The following HS3ST2 variants were observed in gnomAD, a reference collection of about 807,000 sequenced individuals.
HS3ST2 encodes the protein heparan sulfate glucosamine 3-O-sulfotransferase 2.
HS3ST2 carries 17 observed loss-of-function variants against 26.3 expected under a neutral mutation model. The observed-to-expected ratio is 0.65, with a 90% confidence interval of 0.44 to 0.97. HS3ST2 has a LOEUF of 0.97. HS3ST2 is among the 50% of genes least tolerant of loss of function. HS3ST2 has a pLI of 0.00. For missense variants in HS3ST2, 402 were observed against 501.2 expected (o/e 0.80, Z 1.89); for synonymous variants, 237 against 219.2 (o/e 1.08, Z -0.72).
chr16:22,879,558 G>A (rs931433286), intron 1 of HS3ST2, among the ~76,000 whole-genome samples: 4 of 152,208 alleles, frequency 2.6e-5, no homozygotes, highest in African/African-American at 9.6e-5. Flanking sequence ...CGGACACTGA[G>A]TGCACGTGAC....
chr16:22,844,147 T>G (rs541333384), intron 1 of HS3ST2, among the ~76,000 whole-genome samples: 3 of 152,322 alleles, frequency 2.0e-5, no homozygotes, highest in East Asian at 3.9e-4. Flanking sequence ...TAACTGAGTT[T>G]CATTTTTTAT....
chr16:22,824,518 G>A (rs1901052371), intron 1 of HS3ST2, among the ~76,000 whole-genome samples: 2 of 152,166 alleles, frequency 1.3e-5, no homozygotes, highest in Non-Finnish European at 2.9e-5. Context: ...CTGCACTCCA[G>A]CCTGGGTGAC....
At chr16:22,830,413 G>A (rs1053518426) in intron 1 of HS3ST2, among the ~76,000 whole-genome samples, 4 of 152,176 alleles carry the variant, frequency 2.6e-5, no homozygotes, top group African/African-American at 9.7e-5. Context: ...GTGAGCAGGG[G>A]TGCACCATAA....
intron 1 of HS3ST2, among the ~76,000 whole-genome samples, chr16:22,909,071 C>T (rs1902389489): frequency 6.6e-6 from 1 of 152,144 alleles, no homozygotes; most frequent in African/African-American, 2.4e-5. Context: ...GAATCTCTTC[C>T]AGGGTTTTAT....
At chr16:22,834,927 T>C (rs913570953) in intron 1 of HS3ST2, among the ~76,000 whole-genome samples, 5 of 150,514 alleles carry the variant, frequency 3.3e-5, no homozygotes, top group African/African-American at 1.2e-4. Flanking sequence ...CTGAAATTTT[T>C]GGTTAATTTT....
At chr16:22,900,679 C>T (rs910784249) in intron 1 of HS3ST2, among the ~76,000 whole-genome samples, 5 of 150,704 alleles carry the variant, frequency 3.3e-5, no homozygotes, top group Admixed American at 2.0e-4. Flanking sequence ...GGGGCAGGGG[C>T]GGGGAGGAAG....
intron 1 of HS3ST2, among the ~76,000 whole-genome samples, chr16:22,893,984 T>C (rs1272895228): frequency 6.6e-6 from 1 of 152,080 alleles, no homozygotes; most frequent in Non-Finnish European, 1.5e-5. Flanking sequence ...GTTTTTGTAA[T>C]TTTCTTTGTT....
chr16:22,829,771 C>T (rs1272492568), intron 1 of HS3ST2, among the ~76,000 whole-genome samples: 2 of 152,120 alleles, frequency 1.3e-5, no homozygotes, highest in East Asian at 3.8e-4. Flanking sequence ...ATGAAATGTT[C>T]CTGCCTTATA....
chr16:22,866,621 C>A lies in HS3ST2; in HGVS notation c.486-48323C>A, dbSNP rs150984628. 7.1e-3 allele frequency among the ~76,000 whole-genome samples: 1,085 copies of A among 151,784 alleles called. 13 individuals carry two copies. Among genetic ancestry groups the A allele is most frequent in the African/African-American group, 0.025 (1,016 of 41,388 alleles). On this transcript the variant is annotated intron_variant, in intron 1 of 1. Coordinates refer to ENST00000261374, the MANE Select transcript of HS3ST2 (RefSeq NM_006043.2). ...CCCGTCTCTACAAAGGGCAACATGG[C>A]AAGACCCCGTCTCTACAAAATGCAG... is the stretch of plus-strand genomic sequence containing the variant.
At chr16:22,837,554 T>C (rs1363536472) in intron 1 of HS3ST2, among the ~76,000 whole-genome samples, 1 of 140,022 alleles carries the variant, frequency 7.1e-6, no homozygotes, top group South Asian at 2.1e-4. Flanking sequence ...TGTATATATA[T>C]GTATATATAT....
chr16:22,875,314 TG>T (rs1296036474), intron 1 of HS3ST2, among the ~76,000 whole-genome samples: 1 of 152,092 alleles, frequency 6.6e-6, no homozygotes, highest in Non-Finnish European at 1.5e-5. Context: ...AATGTTATAG[TG>T]AGCTCAGATT....
At position 22,816,281 on chromosome 16, in the gene HS3ST2, G is replaced by A. The variant is rs1282821758; in HGVS notation, c.485+1186G>A. ...GGGTAACATGGTAGCTGACAGAGTA[G>A]CTGAGGCTAAATCTGCTGTTTTTAT... On this transcript the variant is annotated intron_variant, in intron 1 of 1. Transcript: ENST00000261374. Among the ~76,000 whole-genome samples the A allele has an allele frequency of 3.3e-5, 5 of 152,340 alleles. No individual in the cohort carries two copies. The East Asian group carries it at 9.6e-4, about 29-fold the overall frequency.
intron 1 of HS3ST2, among the ~76,000 whole-genome samples, chr16:22,827,140 G>A (rs1010793560): frequency 6.6e-6 from 1 of 152,168 alleles, no homozygotes; most frequent in East Asian, 1.9e-4. Context: ...GGAGAAGAAT[G>A]TTCTAGCAGA....
chr16:22,842,165 G>A (rs1002065906), intron 1 of HS3ST2, among the ~76,000 whole-genome samples: 68 of 148,880 alleles, frequency 4.6e-4, no homozygotes, highest in African/African-American at 1.7e-3. Context: ...GGGTCCAAGT[G>A]ATTCTCCTGC....
chr16:22,824,351 A>G (rs916221999), intron 1 of HS3ST2, among the ~76,000 whole-genome samples: 2 of 152,132 alleles, frequency 1.3e-5, no homozygotes, highest in African/African-American at 4.8e-5. Flanking sequence ...GATCGAGACC[A>G]TCTGGTTAAC....
chr16:22,873,489 G>A (rs1901866806), intron 1 of HS3ST2, among the ~76,000 whole-genome samples: 1 of 152,208 alleles, frequency 6.6e-6, no homozygotes, highest in Admixed American at 6.5e-5. Context: ...AAGAGTGAGA[G>A]CAATGGGAGA....
chr16:22,836,732 C>T (rs1901261014), intron 1 of HS3ST2, among the ~76,000 whole-genome samples: 2 of 152,140 alleles, frequency 1.3e-5, no homozygotes, highest in Non-Finnish European at 2.9e-5. Context: ...CAACCTCTGC[C>T]TCCCAGTTTC....
At chr16:22,894,386 G>A (rs1157334114) in intron 1 of HS3ST2, among the ~76,000 whole-genome samples, 5 of 152,166 alleles carry the variant, frequency 3.3e-5, no homozygotes, top group Non-Finnish European at 7.4e-5. Context: ...TAGGGGGAAG[G>A]CTCTGTGGAT....
intron 1 of HS3ST2, among the ~76,000 whole-genome samples, chr16:22,868,823 T>C (rs1901793081): frequency 6.6e-6 from 1 of 152,122 alleles, no homozygotes. Context: ...TCTAGTGCTT[T>C]TCCTAATTGA....
Sources: gnomAD v4.1 joint callset for allele counts (sites outside exome capture counted in the v4.1 genomes callset) on GRCh38, gnomAD v4.1.1 for gene constraint, MANE v1.5 for transcripts, NCBI Gene and HGNC (gene_info 2026-07-23, HGNC 2026-07-21) for gene names.